PTCH1: variants seen among roughly 807,000 people sequenced by gnomAD.
PTCH1 encodes the protein protein patched homolog 1.
In PTCH1, 14 loss-of-function variants were observed where a neutral mutation model predicts 144.6. That is an observed-to-expected ratio of 0.10 (90% confidence interval 0.06 to 0.15). PTCH1 has a LOEUF of 0.15. PTCH1 is among the 10% of genes least tolerant of loss of function. PTCH1 has a pLI of 1.00. For missense variants in PTCH1, 1,623 were observed against 1,948.3 expected (o/e 0.83, Z 3.14); for synonymous variants, 833 against 793.6 (o/e 1.05, Z -0.83).
chr9:95,478,923 GA>G, intron 8 of PTCH1, 76 bp downstream of exon 8: 1 of 1,602,552 alleles, frequency 6.2e-7, no homozygotes. Context: ...CGAATGGAAA[GA>G]AATGTTTTAA....
intron 12 of PTCH1, among the ~76,000 whole-genome samples, chr9:95,473,304 C>T (rs1180632751): frequency 3.9e-5 from 6 of 152,184 alleles, no homozygotes; most frequent in Admixed American, 3.9e-4. Context: ...CGCAGGTTTA[C>T]TATTGGACAG....
intron 3 of PTCH1, chr9:95,483,914 T>C (rs900803815): frequency 1.3e-5 from 2 of 152,232 alleles, no homozygotes; most frequent in African/African-American, 4.8e-5. Context: ...ATGAATGGGC[T>C]TGAAGCCAGA....
At chr9:95,513,168 G>A (rs762533208), upstream of PTCH1, among the ~76,000 whole-genome samples, 10 of 152,194 alleles carry the variant, frequency 6.6e-5, no homozygotes, top group Admixed American at 2.0e-4. Flanking sequence ...TGTTCCAATG[G>A]TAAGCAATTG....
In PTCH1 at chr9:95,508,715, C is replaced by T. The variant is rs1587702163; in HGVS notation, c.-354G>A. On this transcript the variant is annotated 5_prime_UTR_variant, in exon 1 of 24. Transcript: ENST00000331920. ...CGAGCCTGTCCTTCGGGCGCTTCCG[C>T]GGCACTCCTTGCGGTCCCCAACTCC... The T allele has an allele frequency of 2.0e-6, 2 of 986,628 alleles. No homozygotes were observed. Among genetic ancestry groups the T allele is most frequent in the Non-Finnish European group, 2.4e-6 (2 of 830,898 alleles). The allele number at this position is 986,628 out of a possible 1,614,324, so 61.1% of individuals were successfully genotyped here. A position where few individuals can be genotyped will look rare whatever the true frequency, so the allele number is the denominator to read the frequency against.
chr9:95,450,269 G>A (rs1241709322), intron 20 of PTCH1: 2 of 376,486 alleles, frequency 5.3e-6, no homozygotes, highest in South Asian at 2.3e-5. Context: ...AATATGGAAT[G>A]CGACCTGAAT....
intron 18 of PTCH1, 62 bp from the exon 19 acceptor site, chr9:95,456,475 GGAGGTCGCCA>G: frequency 6.3e-7 from 1 of 1,594,570 alleles, no homozygotes; most frequent in Admixed American, 1.7e-5. Context: ...TGCCCACAAG[GGAGGTCGCCA>G]GAGGGCTAAG....
chr9:95,468,820 A>G lies in PTCH1; in HGVS notation c.2181T>C (p.Cys727=), dbSNP rs1256741266. ...DSSLHCLEPP[C]TKWTLSSFAE... The stretch of plus-strand genomic sequence containing the variant: ...CAAAAGATGAGAGTGTCCACTTCGT[A>G]CAGGGGGGCTCGAGGCAGTGGAGGC... Residue 727 remains cysteine (C), a synonymous_variant, in exon 14 of 24, where the codon TGT becomes TGC. Coordinates refer to ENST00000331920, the MANE Select transcript of PTCH1 (RefSeq NM_000264.5). 2.5e-6 allele frequency: 4 copies of G among 1,614,172 alleles called. No homozygotes were observed. The highest frequency in any genetic ancestry group is 1.6e-4 in the Middle Eastern group (1 of 6,062).
chr9:95,510,017 C>A (rs1313844640), upstream of PTCH1, among the ~76,000 whole-genome samples: 26 of 138,348 alleles, frequency 1.9e-4, no homozygotes, highest in African/African-American at 3.9e-4. Flanking sequence ...AAAAAAAAAA[C>A]ACAGTCTTGG....
At chr9:95,511,380 G>T (rs1364066191), upstream of PTCH1, among the ~76,000 whole-genome samples, 2 of 152,202 alleles carry the variant, frequency 1.3e-5, no homozygotes, top group African/African-American at 4.8e-5. Context: ...CCCGGCTTCA[G>T]GGGGAGGCCC....
chr9:95,461,738 C>T, intron 16 of PTCH1, 118 bp downstream of exon 16: 1 of 1,401,436 alleles, frequency 7.1e-7, no homozygotes, highest in South Asian at 1.2e-5. Flanking sequence ...TCTACCAGCT[C>T]CCAGTGCCTT....
chr9:95,500,234 A>G (rs181871720), intron 2 of PTCH1, among the ~76,000 whole-genome samples: 3 of 152,206 alleles, frequency 2.0e-5, no homozygotes, highest in Admixed American at 6.5e-5. Flanking sequence ...TGTCCTCTCA[A>G]CTTGGTGAAG....
chr9:95,501,455 G>T (rs1181014771), intron 2 of PTCH1, among the ~76,000 whole-genome samples: 1 of 151,488 alleles, frequency 6.6e-6, no homozygotes, highest in East Asian at 1.9e-4. Flanking sequence ...AACACTGAAA[G>T]CATTAACACT....
At chr9:95,470,124 G>C (rs777821460) in intron 12 of PTCH1, among the ~76,000 whole-genome samples, 193 bp from the exon 13 acceptor site, 15 of 152,326 alleles carry the variant, frequency 9.8e-5, no homozygotes, top group South Asian at 2.1e-4. Flanking sequence ...AGTCTTGACT[G>C]TTTCTGGGCC....
chr9:95,482,101 T>C (rs2118470571), intron 4 of PTCH1, 33 bp downstream of exon 4: 1 of 1,612,670 alleles, frequency 6.2e-7, no homozygotes, highest in East Asian at 2.2e-5. Flanking sequence ...GGGGTGTTCC[T>C]GAGAAATTTT....
At chr9:95,473,065 T>G (rs572349535) in intron 12 of PTCH1, among the ~76,000 whole-genome samples, 1 of 152,236 alleles carries the variant, frequency 6.6e-6, no homozygotes, top group Non-Finnish European at 1.5e-5. Context: ...CAAGGGGTTC[T>G]GTTCTGTGAG....
chr9:95,489,799 A>G (rs991518408), intron 2 of PTCH1, among the ~76,000 whole-genome samples: 2 of 148,420 alleles, frequency 1.3e-5, no homozygotes, highest in African/African-American at 2.5e-5. Flanking sequence ...TAGGCTATGG[A>G]TAATTTTTTT....
chr9:95,475,511 C>T (rs1455694161), intron 12 of PTCH1, among the ~76,000 whole-genome samples: 5 of 152,208 alleles, frequency 3.3e-5, no homozygotes, highest in African/African-American at 4.8e-5. Context: ...GGAAATTCTC[C>T]ACAGAGCCTC....
In PTCH1 at chr9:95,444,601, T is replaced by C. The variant is rs1837730616; in HGVS notation, c.*1792A>G. The C allele has an allele frequency of 6.6e-6, 1 of 152,314 alleles. No homozygotes were observed. The highest frequency in any genetic ancestry group is 1.5e-5 in the Non-Finnish European group (1 of 68,144). The allele number at this position is 152,314 out of a possible 1,614,324, so 9.4% of individuals were successfully genotyped here. A position where few individuals can be genotyped will look rare whatever the true frequency, so the allele number is the denominator to read the frequency against. On this transcript the variant is annotated 3_prime_UTR_variant, in exon 24 of 24. Transcript: ENST00000331920. Reference sequence around the variant, plus strand: ...TGAGTATCAGGGTCTGAGGTCACTATGCTGTGGGTATTTCTGGGGGCCCAT... The same window carrying C: ...TGAGTATCAGGGTCTGAGGTCACTACGCTGTGGGTATTTCTGGGGGCCCAT...
chr9:95,484,803 A>C (rs1423796535), intron 3 of PTCH1, among the ~76,000 whole-genome samples: 4 of 152,260 alleles, frequency 2.6e-5, no homozygotes, highest in Non-Finnish European at 4.4e-5. Flanking sequence ...AGTAACCAAC[A>C]GTCTAGATAC....
Sources: gnomAD v4.1 joint callset for allele counts (sites outside exome capture counted in the v4.1 genomes callset) on GRCh38, gnomAD v4.1.1 for gene constraint, MANE v1.5 for transcripts, NCBI Gene and HGNC (gene_info 2026-07-23, HGNC 2026-07-21) for gene names.